Variants in PSG4 observed in about 807,000 individuals in gnomAD.
PSG4 encodes the protein pregnancy specific beta-1-glycoprotein 4, also known as pregnancy-specific beta-1-glycoprotein 4.
A neutral mutation model predicts 44.3 loss-of-function variants in PSG4; 61 were observed. That is an observed-to-expected ratio of 1.38 (90% CI 1.12 to 1.70). PSG4 has a LOEUF of 1.70. PSG4 is among the 40% of genes most tolerant of loss of function. The pLI is 0.00. For missense variants in PSG4, 677 were observed against 511.7 expected (o/e 1.32, Z -3.12); for synonymous variants, 248 against 191.3 (o/e 1.30, Z -2.45).
At chr19:43,195,401 C>T (rs1967199350) in intron 3 of PSG4, 128 bp from the exon 4 acceptor site, 5 of 1,438,560 alleles carry the variant, frequency 3.5e-6, no homozygotes, top group African/African-American at 2.8e-5. Context: ...ATAGCTGGTG[C>T]TTCTGTCACA....
intron 3 of PSG4, chr19:43,196,801 T>A (rs1465653776): frequency 6.6e-6 from 1 of 151,026 alleles, no homozygotes; most frequent in African/African-American, 2.5e-5. Context: ...TCTCAGTGTT[T>A]CTGTTGTGGC....
intron 3 of PSG4, among the ~76,000 whole-genome samples, chr19:43,196,025 C>T (rs921254110): frequency 1.2e-4 from 18 of 151,392 alleles, no homozygotes; most frequent in African/African-American, 4.1e-4. Flanking sequence ...TAAGTTTCCT[C>T]TCCTTCTGCA....
chr19:43,201,364 G>A (rs1967501849), intron 2 of PSG4, among the ~76,000 whole-genome samples: 1 of 145,858 alleles, frequency 6.9e-6, no homozygotes, highest in Admixed American at 6.8e-5. Flanking sequence ...CTGCTAAAAT[G>A]TAGGCACAGT....
At chr19:43,195,708 A>G (rs1202017403) in intron 3 of PSG4, among the ~76,000 whole-genome samples, 1 of 151,226 alleles carries the variant, frequency 6.6e-6, no homozygotes, top group Non-Finnish European at 1.5e-5. Flanking sequence ...GACATTCTAG[A>G]GATGAGTAAT....
Position 43,196,295 on chromosome 19 carries a change from A to C in PSG4, c.710-1022T>G, listed in dbSNP as rs901318889. On this transcript the variant is annotated intron_variant, in intron 3 of 5. Transcript: ENST00000405312. Reference sequence around the variant, plus strand: ...TGGATTCCAGAGTGAATATGAGAAGAGACTGCTGTTTGCCAGGAGCTGGGA... The same window carrying C: ...TGGATTCCAGAGTGAATATGAGAAGCGACTGCTGTTTGCCAGGAGCTGGGA... Among the ~76,000 whole-genome samples the C allele has an allele frequency of 1.8e-4, 27 of 151,632 alleles. 3 individuals carry two copies. Among genetic ancestry groups the C allele is most frequent in the African/African-American group, 6.6e-4 (27 of 41,156 alleles).
intron 2 of PSG4, among the ~76,000 whole-genome samples, chr19:43,202,286 G>A (rs1181239628): frequency 1.4e-5 from 2 of 143,802 alleles, no homozygotes; most frequent in Non-Finnish European, 3.0e-5. Context: ...AGACCCCAGG[G>A]ACCAGGTGCC....
chr19:43,199,572 G>A (rs1315446453), intron 2 of PSG4, among the ~76,000 whole-genome samples: 2 of 145,440 alleles, frequency 1.4e-5, no homozygotes, highest in African/African-American at 5.3e-5. Context: ...CTTCTTTTTA[G>A]CATCACATCA....
chr19:43,203,729 TG>T, intron 2 of PSG4, 156 bp downstream of exon 2: 1 of 1,305,944 alleles, frequency 7.7e-7, no homozygotes, highest in South Asian at 1.4e-5. Flanking sequence ...TGTTGAAATT[TG>T]TCTCCTCTGT....
At chr19:43,199,328 T>C (rs1967402141) in intron 2 of PSG4, among the ~76,000 whole-genome samples, 1 of 145,214 alleles carries the variant, frequency 6.9e-6, no homozygotes, top group Admixed American at 6.8e-5. Context: ...ATCAGGGGAA[T>C]AGGGTGTTGT....
chr19:43,198,418 G>A, intron 2 of PSG4, 143 bp from the exon 3 acceptor site: 2 of 1,368,844 alleles, frequency 1.5e-6, no homozygotes, highest in Non-Finnish European at 1.9e-6. Context: ...GTTAAAGACA[G>A]ATGCATGGCA....
Position 43,201,417 on chromosome 19 carries a change from T to G in PSG4, c.430+2469A>C, listed in dbSNP as rs1203341613. On this transcript the variant is annotated intron_variant, in intron 2 of 5. Coordinates refer to ENST00000405312, the MANE Select transcript of PSG4 (RefSeq NM_002780.5). ...GCTCCAGTGTCATTTGGCAAGAGTT[T>G]ACAAAATTTGTAACTAATTGCTCCT... Among the ~76,000 whole-genome samples the G allele has an allele frequency of 3.4e-5, 5 of 145,584 alleles. 1 individual carries two copies. The highest frequency in any genetic ancestry group is 5.3e-5 in the African/African-American group (2 of 38,000).
intron 5 of PSG4, chr19:43,193,715 C>G (rs59962420): frequency 5.5e-6 from 3 of 540,572 alleles, no homozygotes; most frequent in Non-Finnish European, 9.9e-6. Context: ...AGGCTGACTT[C>G]AGACTTTGCC....
rs59165427 is a variant in PSG4 at position 43,205,111 on chromosome 19, C to CTTTTTTTTTTTTTTTTT, written c.64+361_64+362insAAAAAAAAAAAAAAAAA. Reference sequence around the variant, plus strand: ...TTCTTTTTTCTTTTTTTCCTTTTTTCTTTTTTTTTTTTTTGAGACGGAGTC... The same window carrying CTTTTTTTTTTTTTTTTT: ...TTCTTTTTTCTTTTTTTCCTTTTTTCTTTTTTTTTTTTTTTTTTTTTTTTTTTTTTTGAGACGGAGTC... On this transcript the variant is annotated intron_variant, in intron 1 of 5. Coordinates refer to ENST00000405312, the MANE Select transcript of PSG4 (RefSeq NM_002780.5). 6.0e-3 allele frequency among the ~76,000 whole-genome samples: 546 copies of CTTTTTTTTTTTTTTTTT among 90,762 alleles called. 87 individuals are homozygous for CTTTTTTTTTTTTTTTTT. Among genetic ancestry groups the CTTTTTTTTTTTTTTTTT allele is most frequent in the African/African-American group, 0.019 (359 of 19,382 alleles). 59.5% of individuals were successfully genotyped at this position (90,762 alleles called of 152,430 possible).
intron 2 of PSG4, among the ~76,000 whole-genome samples, chr19:43,201,126 A>C (rs112045837): frequency 6.9e-6 from 1 of 145,624 alleles, no homozygotes; most frequent in African/African-American, 2.6e-5. Context: ...AGTGACAGCA[A>C]ACTAGCATGT....
In PSG4 at chr19:43,193,270, C is replaced by G. The variant is rs1967088336; in HGVS notation, c.*102G>C. ...TACAAGGGTTTTCCCATGAAATTTA[C>G]ATCGAGTTGTCCACCTCCAGCTTAT... On this transcript the variant is annotated 3_prime_UTR_variant, in exon 6 of 6. Coordinates refer to ENST00000405312, the MANE Select transcript of PSG4 (RefSeq NM_002780.5). The G allele has an allele frequency of 2.6e-6, 2 of 769,122 alleles. No homozygotes were observed. The highest frequency in any genetic ancestry group is 4.8e-6 in the Non-Finnish European group (2 of 417,540). The allele number at this position is 769,122 out of a possible 1,614,324, so 47.6% of individuals were successfully genotyped here. A position where few individuals can be genotyped will look rare whatever the true frequency, so the allele number is the denominator to read the frequency against.
At chr19:43,198,622 C>A in intron 2 of PSG4, 3 of 288,544 alleles carry the variant, frequency 1.0e-5, no homozygotes, top group Non-Finnish European at 1.9e-5. Flanking sequence ...TTGGAGCATG[C>A]AGTGCTGGAA....
At position 43,202,764 on chromosome 19, in the gene PSG4, G is replaced by A. The variant is rs1159664902; in HGVS notation, c.430+1122C>T. On this transcript the variant is annotated intron_variant, in intron 2 of 5. Coordinates refer to ENST00000405312, the MANE Select transcript of PSG4 (RefSeq NM_002780.5). ...TTGAGGCAGGTGATTTAGTTCTGGA[G>A]TGCAGACTAATCAGCTGACCATTTG... Among the ~76,000 whole-genome samples, 118 of 144,896 alleles carry A rather than the reference G, an allele frequency of 8.1e-4. 14 individuals are homozygous for A. Among genetic ancestry groups the A allele is most frequent in the Non-Finnish European group, 1.6e-3 (104 of 67,046 alleles).
chr19:43,205,476 T>G lies in PSG4; in HGVS notation c.61A>C (p.Thr21Pro), dbSNP rs768552648. The G allele has an allele frequency of 6.5e-7, 1 of 1,545,868 alleles. No individual in the cohort carries two copies. The highest frequency in any genetic ancestry group is 1.1e-5 in the South Asian group (1 of 89,178). The change falls in exon 1 of 6, where the codon ACA (threonine) becomes CCA (proline). Residue 21 changes from threonine (T) to proline (P), a missense_variant. Transcript: ENST00000405312. ...QRITWKGVLL[T>P]ASLLNFWNPP... ...TCCCAGGAAGTTCTCTCCTCACCTG[T>G]GAGCAGGACCCCCTTCCAGGTGATG... is the stretch of plus-strand genomic sequence containing the variant.
In PSG4 at chr19:43,193,385, C is replaced by G. The variant is rs766484868; in HGVS notation, c.1247G>C (p.Trp416Ser). ...AACTAGTAGAATTCAGGGTAATATCCAGTCTACAGGTGGATAATAAAAACA... is the reference window on the plus strand; with the variant it reads ...AACTAGTAGAATTCAGGGTAATATCGAGTCTACAGGTGGATAATAAAAACA... Reference protein sequence around the residue: ...SKSITVKVSDWILP With the variant: ...SKSITVKVSDSILP The change falls in exon 6 of 6, where the codon TGG (tryptophan) becomes TCG (serine). Residue 416 changes from tryptophan (W) to serine (S), a missense_variant. Trp to Ser is a radical substitution (Grantham distance 177). Transcript: ENST00000405312. The G allele has an allele frequency of 1.3e-6, 1 of 772,032 alleles. No homozygotes were observed. Among genetic ancestry groups the G allele is most frequent in the Admixed American group, 1.7e-5 (1 of 58,916 alleles). The allele number at this position is 772,032 out of a possible 1,614,324, so 47.8% of individuals were successfully genotyped here.
Sources: gnomAD v4.1 joint callset for allele counts (sites outside exome capture counted in the v4.1 genomes callset) on GRCh38, gnomAD v4.1.1 for gene constraint, MANE v1.5 for transcripts, NCBI Gene and HGNC (gene_info 2026-07-23, HGNC 2026-07-21) for gene names.